SCAPER: variants seen among roughly 807,000 people sequenced by gnomAD.
The protein encoded by SCAPER is S-phase cyclin A associated protein in the ER.
SCAPER carries 98 observed loss-of-function variants against 182.2 expected under a neutral mutation model. The observed-to-expected ratio is 0.54, with a 90% CI of 0.46 to 0.64. The LOEUF is 0.64. Ranked by LOEUF, SCAPER falls within the 30% of genes least tolerant of loss-of-function variation. The pLI, the probability that SCAPER is intolerant of heterozygous loss-of-function variation, is 0.00. For synonymous variants in SCAPER, 605 were observed against 564.6 expected (o/e 1.07, Z -1.01); for missense variants, 1,432 against 1,690.0 (o/e 0.85, Z 2.68).
chr15:76,681,659 A>G (rs1487100882), intron 20 of SCAPER, among the ~76,000 whole-genome samples: 1 of 152,192 alleles, frequency 6.6e-6, no homozygotes, highest in African/African-American at 2.4e-5. Context: ...TTGGCACCCA[A>G]AAATTCTGGG....
At chr15:76,665,810 A>G (rs1305218746) in intron 20 of SCAPER, 21 bp from the exon 21 acceptor site, 3 of 1,473,904 alleles carry the variant, frequency 2.0e-6, no homozygotes, top group South Asian at 1.4e-5. Context: ...AATAAATAAA[A>G]TAATAATAAT....
intron 22 of SCAPER, among the ~76,000 whole-genome samples, chr15:76,609,921 A>C (rs2050827905): frequency 6.6e-6 from 1 of 152,198 alleles, no homozygotes; most frequent in Non-Finnish European, 1.5e-5. Flanking sequence ...AATGAGCATA[A>C]GAGTTGGGTT....
At position 76,684,071 on chromosome 15, in the gene SCAPER, T is replaced by A. The variant is rs1030929374; in HGVS notation, c.2508+17687A>T. Among the ~76,000 whole-genome samples, 4 of 151,786 alleles carry A rather than the reference T, an allele frequency of 2.6e-5. No homozygotes were observed. The East Asian group carries it at 7.7e-4, about 29-fold the overall frequency. Reference sequence around the variant, plus strand: ...TTATAAGAGGTCCTTAAGGGAGTGATAAATATGAATAGGAAAGATGGCTAC... The same window carrying A: ...TTATAAGAGGTCCTTAAGGGAGTGAAAAATATGAATAGGAAAGATGGCTAC... On this transcript the variant is annotated intron_variant, in intron 20 of 31. Coordinates refer to ENST00000563290, the MANE Select transcript of SCAPER (RefSeq NM_020843.4).
chr15:76,643,064 T>A (rs889646098), intron 21 of SCAPER, among the ~76,000 whole-genome samples: 1 of 152,186 alleles, frequency 6.6e-6, no homozygotes, highest in African/African-American at 2.4e-5. Flanking sequence ...TGGCTTACTA[T>A]AGCCACAGGC....
At chr15:76,427,475 C>T (rs1214677471) in intron 26 of SCAPER, among the ~76,000 whole-genome samples, 1 of 152,124 alleles carries the variant, frequency 6.6e-6, no homozygotes, top group Non-Finnish European at 1.5e-5. Context: ...CTCAACATCA[C>T]TAATCATCAA....
At chr15:76,665,568 T>C (rs1386775117) in intron 21 of SCAPER, 85 bp downstream of exon 21, 14 of 1,444,552 alleles carry the variant, frequency 9.7e-6, no homozygotes, top group Non-Finnish European at 1.2e-5. Flanking sequence ...CAAACAACTT[T>C]AAACTTTTTT....
chr15:76,628,514 A>C (rs2052795343), intron 21 of SCAPER, among the ~76,000 whole-genome samples: 1 of 152,156 alleles, frequency 6.6e-6, no homozygotes, highest in African/African-American at 2.4e-5. Context: ...TTATTCCATC[A>C]CTATTCATTG....
chr15:76,753,061 A>T (rs2062191541), intron 15 of SCAPER, among the ~76,000 whole-genome samples: 1 of 151,796 alleles, frequency 6.6e-6, no homozygotes. Flanking sequence ...AACCATGTGT[A>T]AAACTTAAAC....
intron 3 of SCAPER, chr15:76,861,859 G>A (rs553980849): frequency 2.6e-5 from 4 of 152,368 alleles, no homozygotes; most frequent in African/African-American, 9.6e-5. Flanking sequence ...CAGCATGGCT[G>A]GGGAGGCCTC....
At chr15:76,846,771 A>G (rs2070130788) in intron 4 of SCAPER, among the ~76,000 whole-genome samples, 1 of 152,224 alleles carries the variant, frequency 6.6e-6, no homozygotes, top group Admixed American at 6.5e-5. Context: ...AAATTAGTAT[A>G]ACCAATATGG....
chr15:76,775,290 T>C (rs946221935), intron 8 of SCAPER, among the ~76,000 whole-genome samples, 173 bp from the exon 9 acceptor site: 5 of 152,174 alleles, frequency 3.3e-5, no homozygotes, highest in Admixed American at 1.3e-4. Context: ...AATAAATGTA[T>C]GTATAATTAT....
chr15:76,774,404 G>A, intron 9 of SCAPER: 1 of 387,140 alleles, frequency 2.6e-6, no homozygotes, highest in Non-Finnish European at 5.0e-6. Flanking sequence ...GATCCTGGAG[G>A]AAATTCTATT....
chr15:76,717,142 GAA>G (rs34439573), intron 17 of SCAPER, among the ~76,000 whole-genome samples: 13,883 of 126,242 alleles, frequency 0.11, 1,067 homozygotes, highest in African/African-American at 0.23. Context: ...TGATGAAAGG[GAA>G]AAAAAAAAAA....
chr15:76,615,709 A>T (rs1470385351), intron 22 of SCAPER, among the ~76,000 whole-genome samples: 4 of 151,014 alleles, frequency 2.6e-5, no homozygotes, highest in African/African-American at 9.8e-5. Flanking sequence ...AATCCCAGCT[A>T]CTCGAGAGGC....
At chr15:76,588,593 T>C (rs1186212998) in intron 22 of SCAPER, among the ~76,000 whole-genome samples, 1 of 152,232 alleles carries the variant, frequency 6.6e-6, no homozygotes, top group African/African-American at 2.4e-5. Context: ...CCATTTACAT[T>C]CAACGTGAGT....
chr15:76,356,519 C>T (rs2040973932), intron 29 of SCAPER, among the ~76,000 whole-genome samples: 1 of 152,124 alleles, frequency 6.6e-6, no homozygotes, highest in African/African-American at 2.4e-5. Flanking sequence ...ATATGAGAGT[C>T]TTGCTCAATG....
intron 22 of SCAPER, among the ~76,000 whole-genome samples, chr15:76,618,592 T>C (rs1001970857): frequency 1.4e-4 from 21 of 152,286 alleles, no homozygotes; most frequent in African/African-American, 2.4e-4. Flanking sequence ...AGCTTTTTTT[T>C]CACAAGTAGA....
chr15:76,797,414 CAAG>C (rs2151485556), intron 7 of SCAPER: 1 of 152,124 alleles, frequency 6.6e-6, no homozygotes, highest in East Asian at 1.9e-4. Context: ...AGGAAAAGCT[CAAG>C]AATGAGACAT....
chr15:76,352,086 C>G (rs531540961), intron 30 of SCAPER, among the ~76,000 whole-genome samples: 3 of 152,212 alleles, frequency 2.0e-5, no homozygotes, highest in Admixed American at 6.5e-5. Flanking sequence ...ACATAAGGAA[C>G]TAAGCTGATA....
Sources: allele counts gnomAD v4.1 joint callset (sites outside exome capture counted in the v4.1 genomes callset), GRCh38; gene constraint gnomAD v4.1.1; transcripts MANE v1.5; gene names NCBI Gene and HGNC (gene_info 2026-07-23, HGNC 2026-07-21).